Variants in CDK14 observed in about 807,000 individuals in gnomAD.
The protein encoded by CDK14 is cyclin-dependent kinase 14.
In CDK14, 34 loss-of-function variants were observed where a neutral mutation model predicts 60.7. The observed-to-expected ratio is 0.56, with a 90% CI of 0.43 to 0.75. CDK14 has a LOEUF of 0.75. Ranked by LOEUF, CDK14 falls within the 30% of genes least tolerant of loss-of-function variation. The pLI is 0.00. For missense variants in CDK14, 482 were observed against 564.1 expected (o/e 0.85, Z 1.47); for synonymous variants, 197 against 203.7 (o/e 0.97, Z 0.28).
chr7:90,892,727 A>T (rs1190602088), intron 6 of CDK14, among the ~76,000 whole-genome samples: 1 of 152,150 alleles, frequency 6.6e-6, no homozygotes, highest in Non-Finnish European at 1.5e-5. Flanking sequence ...ATAACCAGAT[A>T]AATGCTACCT....
chr7:91,116,441 C>G (rs1441870456), intron 13 of CDK14, among the ~76,000 whole-genome samples: 1 of 152,164 alleles, frequency 6.6e-6, no homozygotes, highest in Admixed American at 6.6e-5. Context: ...ACTTAAGGAG[C>G]AAGTGAGGTG....
chr7:91,169,087 A>G (rs1801435401), intron 14 of CDK14, among the ~76,000 whole-genome samples: 1 of 152,258 alleles, frequency 6.6e-6, no homozygotes, highest in South Asian at 2.1e-4. Flanking sequence ...CCATTTAAAG[A>G]CAAGAAGAAT....
chr7:90,827,737 C>A (rs1032282158), intron 5 of CDK14, among the ~76,000 whole-genome samples: 1 of 152,158 alleles, frequency 6.6e-6, no homozygotes, highest in African/African-American at 2.4e-5. Context: ...CAATTTTTGA[C>A]CTAGTTAATT....
chr7:90,899,456 T>C (rs181488348), intron 7 of CDK14, 103 bp downstream of exon 7: 3 of 841,810 alleles, frequency 3.6e-6, no homozygotes, highest in Admixed American at 3.9e-5. Flanking sequence ...TTTTTAAATT[T>C]TTTGTGTAAA....
intron 2 of CDK14, among the ~76,000 whole-genome samples, chr7:90,671,995 G>A (rs1436197753): frequency 6.6e-6 from 1 of 152,134 alleles, no homozygotes; most frequent in Non-Finnish European, 1.5e-5. Context: ...TATCTTCGCA[G>A]TAGTGAATGT....
At chr7:91,082,768 A>G (rs1303782658) in intron 12 of CDK14, among the ~76,000 whole-genome samples, 1 of 152,210 alleles carries the variant, frequency 6.6e-6, no homozygotes, top group East Asian at 1.9e-4. Flanking sequence ...CATAAAACAT[A>G]ATGTATTTAA....
At chr7:91,197,387 G>A (rs1802580311) in intron 14 of CDK14, among the ~76,000 whole-genome samples, 1 of 142,132 alleles carries the variant, frequency 7.0e-6, no homozygotes, top group Non-Finnish European at 1.5e-5. Context: ...GCAACAGAGT[G>A]AGAGACTCTG....
chr7:91,104,828 CAG>C (rs1283945379), intron 12 of CDK14, among the ~76,000 whole-genome samples: 1 of 151,888 alleles, frequency 6.6e-6, no homozygotes, highest in East Asian at 1.9e-4. Context: ...GGTGACCTAA[CAG>C]AATTAGTTTT....
At chr7:90,682,811 A>G (rs1252062922) in intron 2 of CDK14, among the ~76,000 whole-genome samples, 2 of 152,180 alleles carry the variant, frequency 1.3e-5, no homozygotes. Flanking sequence ...TTTAAAATAT[A>G]GGTCTTTTTA....
intron 3 of CDK14, among the ~76,000 whole-genome samples, chr7:90,737,806 A>G (rs186913899): frequency 2.0e-5 from 3 of 152,260 alleles, no homozygotes; most frequent in Admixed American, 2.0e-4. Flanking sequence ...ACCCACTCTC[A>G]CAATTACAGT....
At chr7:90,640,110 C>G (rs942952632) in intron 2 of CDK14, among the ~76,000 whole-genome samples, 20 of 152,118 alleles carry the variant, frequency 1.3e-4, no homozygotes, top group Admixed American at 2.6e-4. Context: ...AGCTGGCGCA[C>G]GGTGCGCTGC....
At chr7:90,635,892 A>G (rs1206702840) in intron 2 of CDK14, among the ~76,000 whole-genome samples, 2 of 151,964 alleles carry the variant, frequency 1.3e-5, no homozygotes, top group Admixed American at 1.3e-4. Flanking sequence ...TTCTCTTTGA[A>G]GCAATTGTGA....
chr7:90,819,329 A>G (rs1789461736), intron 5 of CDK14, among the ~76,000 whole-genome samples: 1 of 152,186 alleles, frequency 6.6e-6, no homozygotes, highest in South Asian at 2.1e-4. Flanking sequence ...GAAGGTATCT[A>G]GCAAGTGTTC....
chr7:91,031,593 A>G (rs116844316), intron 10 of CDK14, among the ~76,000 whole-genome samples: 2,424 of 152,326 alleles, frequency 0.016, 24 homozygotes, highest in Non-Finnish European at 0.022. Flanking sequence ...AGGAGATTGC[A>G]TGGGGCCTTA....
chr7:90,627,231 G>A (rs985524654), intron 2 of CDK14, among the ~76,000 whole-genome samples: 4 of 144,032 alleles, frequency 2.8e-5, no homozygotes, highest in African/African-American at 1.0e-4. Flanking sequence ...TTTTTTTTTT[G>A]ACAGGGTCTC....
chr7:91,183,719 CCT>C (rs1415644342), intron 14 of CDK14, among the ~76,000 whole-genome samples: 2 of 152,174 alleles, frequency 1.3e-5, no homozygotes, highest in African/African-American at 4.8e-5. Flanking sequence ...AGTCTAAGCT[CCT>C]CTGTTTTAAT....
At chr7:91,193,884 T>C (rs972011385) in intron 14 of CDK14, among the ~76,000 whole-genome samples, 1 of 152,200 alleles carries the variant, frequency 6.6e-6, no homozygotes, top group African/African-American at 2.4e-5. Context: ...GTGGAGGTTC[T>C]TCAAACATAA....
chr7:90,650,816 T>C (rs1040040134), intron 2 of CDK14, among the ~76,000 whole-genome samples: 10 of 152,218 alleles, frequency 6.6e-5, no homozygotes, highest in Admixed American at 1.3e-4. Context: ...CATTAGTCTA[T>C]ATATCTGTTT....
At chr7:90,678,067 G>A (rs1801236335) in intron 2 of CDK14, among the ~76,000 whole-genome samples, 1 of 152,160 alleles carries the variant, frequency 6.6e-6, no homozygotes, top group African/African-American at 2.4e-5. Context: ...GAGCAGAACT[G>A]GTCTTGGTTA....
Sources: gnomAD v4.1 joint callset for allele counts (sites outside exome capture counted in the v4.1 genomes callset) on GRCh38, gnomAD v4.1.1 for gene constraint, MANE v1.5 for transcripts, NCBI Gene and HGNC (gene_info 2026-07-23, HGNC 2026-07-21) for gene names.